Variants in RMND5A observed in about 807,000 individuals in gnomAD.
The protein encoded by RMND5A is required for meiotic nuclear division 5 homolog A.
Under a neutral mutation model 49.7 loss-of-function variants are expected in RMND5A, and 17 were observed. The ratio of observed to expected loss-of-function variants is 0.34; its 90% CI spans 0.23 to 0.51. RMND5A has a LOEUF of 0.51. RMND5A is among the 20% of genes least tolerant of loss of function. The probability of loss-of-function intolerance (pLI) is 0.96; values close to 1 mark genes in which losing one functional copy is unlikely to be tolerated. For synonymous variants in RMND5A, 156 were observed against 167.7 expected (o/e 0.93, Z 0.54); for missense variants, 255 against 471.3 (o/e 0.54, Z 4.25).
intron 2 of RMND5A, among the ~76,000 whole-genome samples, chr2:86,751,033 C>T (rs1447475322): frequency 6.6e-6 from 1 of 152,106 alleles, no homozygotes; most frequent in African/African-American, 2.4e-5. Flanking sequence ...TCATCTTTTT[C>T]CATGTGAGTT....
Position 86,774,086 on chromosome 2 carries a change from A to G in RMND5A, c.*675A>G, listed in dbSNP as rs959087123. On this transcript the variant is annotated 3_prime_UTR_variant, in exon 9 of 9. Coordinates refer to ENST00000283632, the MANE Select transcript of RMND5A (RefSeq NM_022780.4). ...TGTGAGAAGTCTTCCGTTAGCATAG[A>G]GTGGAAGGAGTACTATTGTTTGGTT... 4.6e-5 allele frequency: 7 copies of G among 152,630 alleles called. No homozygotes were observed. Among genetic ancestry groups the G allele is most frequent in the Non-Finnish European group, 8.8e-5 (6 of 68,044 alleles). The allele number at this position is 152,630 out of a possible 1,614,324, so 9.5% of individuals were successfully genotyped here. A position where few individuals can be genotyped will look rare whatever the true frequency, so the allele number is the denominator to read the frequency against.
intron 6 of RMND5A, 144 bp downstream of exon 6, chr2:86,766,168 A>G: frequency 1.4e-6 from 1 of 728,088 alleles, no homozygotes; most frequent in South Asian, 1.8e-5. Context: ...AGATATCACA[A>G]TTGGCAGTGA....
At chr2:86,755,076 C>T (rs13416756) in intron 4 of RMND5A, among the ~76,000 whole-genome samples, 5,557 of 151,870 alleles carry the variant, frequency 0.037, 198 homozygotes, top group East Asian at 0.1. Context: ...AACCAAATAC[C>T]TCTAACACCT....
intron 6 of RMND5A, among the ~76,000 whole-genome samples, chr2:86,766,283 T>C (rs1323648710): frequency 6.6e-6 from 1 of 152,068 alleles, no homozygotes; most frequent in Non-Finnish European, 1.5e-5. Flanking sequence ...CCAGAAACAG[T>C]GGTGGACTAA....
At chr2:86,763,970 G>A (rs577811951) in intron 4 of RMND5A, among the ~76,000 whole-genome samples, 39 of 152,310 alleles carry the variant, frequency 2.6e-4, no homozygotes, top group Admixed American at 2.1e-3. Context: ...TGACTGTAAG[G>A]TGTGAATACA....
At chr2:86,771,027 CAGTT>C (rs1449205964) in intron 7 of RMND5A, among the ~76,000 whole-genome samples, 1 of 152,216 alleles carries the variant, frequency 6.6e-6, no homozygotes, top group African/African-American at 2.4e-5. Context: ...GTAACCCTGT[CAGTT>C]GGTTGCCCCA....
chr2:86,743,519 C>T (rs901689301), intron 2 of RMND5A, among the ~76,000 whole-genome samples: 16 of 151,634 alleles, frequency 1.1e-4, no homozygotes, highest in African/African-American at 2.4e-4. Flanking sequence ...AGCTGGAGTG[C>T]AGTGGCACCA....
intron 4 of RMND5A, among the ~76,000 whole-genome samples, chr2:86,761,673 G>A (rs1395376411): frequency 6.6e-6 from 1 of 152,174 alleles, no homozygotes; most frequent in Non-Finnish European, 1.5e-5. Context: ...AGAATAGGAT[G>A]CAAAGAAATA....
chr2:86,753,440 C>A lies in RMND5A; in HGVS notation c.421-18C>A, dbSNP rs537710325. 2.0e-6 allele frequency: 3 copies of A among 1,498,958 alleles called. No individual in the cohort carries two copies. In the Admixed American group the frequency reaches 5.2e-5, roughly 26 times the overall value. 92.9% of individuals were successfully genotyped at this position (1,498,958 alleles called of 1,614,324 possible). A position where few individuals can be genotyped will look rare whatever the true frequency, so the allele number is the denominator to read the frequency against. ...TGATTACTGCTAACAAAAGTTCTTT[C>A]TTTCTTTCTTTTTCCAGGAATCTGG... is the stretch of plus-strand genomic sequence containing the variant. On this transcript the variant is annotated intron_variant, in intron 3 of 8. Transcript: ENST00000283632.
At position 86,775,020 on chromosome 2, in the gene RMND5A, T is replaced by C. The variant is rs1465427149; in HGVS notation, c.*1609T>C. 2 of 152,688 alleles carry C rather than the reference T, an allele frequency of 1.3e-5. No individual in the cohort carries two copies. The highest frequency in any genetic ancestry group is 3.9e-4 in the East Asian group (2 of 5,192). 9.5% of individuals were successfully genotyped at this position (152,688 alleles called of 1,614,324 possible). ...ATGTGGCCAGGCCTATGTGGATGGC[T>C]ACTCCGTGCTGTGCGGCTTCACCAG... On this transcript the variant is annotated 3_prime_UTR_variant, in exon 9 of 9. Transcript: ENST00000283632.
At chr2:86,749,480 C>T (rs539959802) in intron 2 of RMND5A, among the ~76,000 whole-genome samples, 53 of 151,734 alleles carry the variant, frequency 3.5e-4, no homozygotes, top group Middle Eastern at 6.8e-3. Context: ...ACCTCTGCCT[C>T]CCTGGGTTCA....
At chr2:86,758,984 C>T (rs978776028) in intron 4 of RMND5A, among the ~76,000 whole-genome samples, 4 of 152,070 alleles carry the variant, frequency 2.6e-5, no homozygotes, top group African/African-American at 2.4e-5. Context: ...GCTTTTACCC[C>T]CAAGAGTATA....
rs1382081392 is a variant in RMND5A at position 86,774,685 on chromosome 2, C to T, written c.*1274C>T. ...TGAAGTTACTTCAGTATAAGAAGAACGTTACACGGAAATCACCAAATATTT... is the reference window on the plus strand; with the variant it reads ...TGAAGTTACTTCAGTATAAGAAGAATGTTACACGGAAATCACCAAATATTT... On this transcript the variant is annotated 3_prime_UTR_variant, in exon 9 of 9. Transcript: ENST00000283632. 3 of 152,584 alleles carry T rather than the reference C, an allele frequency of 2.0e-5. No homozygotes were observed. Among genetic ancestry groups the T allele is most frequent in the South Asian group, 2.1e-4 (1 of 4,832 alleles). 9.5% of individuals were successfully genotyped at this position (152,584 alleles called of 1,614,324 possible).
chr2:86,777,161 T>G lies in RMND5A; in HGVS notation c.*3750T>G, dbSNP rs894125978. The stretch of plus-strand genomic sequence containing the variant: ...TTTTCAAGACATTTCCACTGCAGTT[T>G]CAAGCTGTAGTGGGCATATGCTTCA... On this transcript the variant is annotated 3_prime_UTR_variant, in exon 9 of 9. Coordinates refer to ENST00000283632, the MANE Select transcript of RMND5A (RefSeq NM_022780.4). 2 of 152,204 alleles carry G rather than the reference T, an allele frequency of 1.3e-5. No homozygotes were observed. The highest frequency in any genetic ancestry group is 4.8e-5 in the African/African-American group (2 of 41,450). The allele number at this position is 152,204 out of a possible 1,614,324, so 9.4% of individuals were successfully genotyped here.
intron 4 of RMND5A, among the ~76,000 whole-genome samples, chr2:86,755,795 C>G (rs1014176586): frequency 2.0e-5 from 3 of 152,100 alleles, no homozygotes; most frequent in Admixed American, 2.0e-4. Flanking sequence ...AGGACTTGTT[C>G]CATAAGTAAA....
intron 4 of RMND5A, among the ~76,000 whole-genome samples, chr2:86,753,870 T>G (rs1681683811): frequency 6.6e-6 from 1 of 152,216 alleles, no homozygotes; most frequent in Admixed American, 6.5e-5. Flanking sequence ...GTTCAGCCAG[T>G]GCAAGTTTGA....
intron 4 of RMND5A, among the ~76,000 whole-genome samples, chr2:86,764,005 C>T (rs1672550889): frequency 6.6e-6 from 1 of 152,210 alleles, no homozygotes; most frequent in Non-Finnish European, 1.5e-5. Context: ...AGAATGTTTA[C>T]ATGCTTGTGC....
rs59511898 is a variant in RMND5A at position 86,766,661 on chromosome 2, CAAAAAA to C, written c.854+653_854+658del. On this transcript the variant is annotated intron_variant, in intron 6 of 8. Transcript: ENST00000283632. ...CCCGTGCAACAATGCGAGACTGTCTCAAAAAAAAAAAAAAAAAAAAAGAAAAGAAAA... is the reference window on the plus strand; with the variant it reads ...CCCGTGCAACAATGCGAGACTGTCTCAAAAAAAAAAAAAAAGAAAAGAAAA... Among the ~76,000 whole-genome samples the C allele has an allele frequency of 4.9e-3, 379 of 77,016 alleles. 2 individuals are homozygous for C. The highest frequency in any genetic ancestry group is 0.018 in the African/African-American group (332 of 18,778). The allele number at this position is 77,016 out of a possible 152,430, so 50.5% of individuals were successfully genotyped here.
intron 4 of RMND5A, among the ~76,000 whole-genome samples, chr2:86,759,221 T>C (rs1257812954): frequency 1.3e-5 from 2 of 152,208 alleles, no homozygotes; most frequent in Non-Finnish European, 2.9e-5. Flanking sequence ...AAATCTTGTA[T>C]TTATTTTTGG....
Sources: gnomAD v4.1 joint callset for allele counts (sites outside exome capture counted in the v4.1 genomes callset) on GRCh38, gnomAD v4.1.1 for gene constraint, MANE v1.5 for transcripts, NCBI Gene and HGNC (gene_info 2026-07-23, HGNC 2026-07-21) for gene names.